HERC6: variants seen among roughly 807,000 people sequenced by gnomAD.
HERC6 encodes the protein HECT and RLD domain containing E3 ubiquitin protein ligase family member 6, also known as probable E3 ubiquitin-protein ligase HERC6.
HERC6 carries 101 observed loss-of-function variants against 114.5 expected under a neutral mutation model. The observed-to-expected ratio is 0.88, with a 90% CI of 0.75 to 1.04. HERC6 has a LOEUF of 1.04. Among genes scored for constraint, HERC6 ranks in the 50% least tolerant of loss-of-function variants. The probability of loss-of-function intolerance (pLI) is 0.00; values close to 1 mark genes in which losing one functional copy is unlikely to be tolerated. For missense variants in HERC6, 1,133 were observed against 1,230.9 expected (o/e 0.92, Z 1.19); for synonymous variants, 408 against 436.2 (o/e 0.94, Z 0.81).
rs746952857 is a variant in HERC6, at chr4:88,414,916, C to T, written c.1558+1650C>T. 4.8e-4 allele frequency among the ~76,000 whole-genome samples: 73 copies of T among 152,232 alleles called. 1 individual carries two copies. The Middle Eastern group carries it at 0.014, about 28-fold the overall frequency. ...CAGTAGGTCTCAGCCTTATTTTACC[C>T]AGCTCCTATTCAAGATGGAGTTGCT... On this transcript the variant is annotated intron_variant, in intron 12 of 22. Coordinates refer to ENST00000264346, the MANE Select transcript of HERC6 (RefSeq NM_017912.4).
rs774832983 is a variant in HERC6 at position 88,383,377 on chromosome 4, CTAAG to C, written c.359+3_359+6del. On this transcript the variant is annotated splice_donor_variant and coding_sequence_variant, in exon 2 of 23. Transcript: ENST00000264346. LOFTEE classifies it high-confidence loss of function. The stretch of plus-strand genomic sequence containing the variant: ...GAATTCAAGGAAATAAGTTTCACAC[CTAAG>C]TAAGTGTTTCAACCCACTCCTTCAT... The C allele has an allele frequency of 3.4e-6, 5 of 1,490,276 alleles. No individual in the cohort carries two copies. Among genetic ancestry groups the C allele is most frequent in the Non-Finnish European group, 3.6e-6 (4 of 1,121,518 alleles). The allele number at this position is 1,490,276 out of a possible 1,614,324, so 92.3% of individuals were successfully genotyped here. A position where few individuals can be genotyped will look rare whatever the true frequency, so the allele number is the denominator to read the frequency against.
intron 11 of HERC6, among the ~76,000 whole-genome samples, chr4:88,410,039 C>T (rs1736008968): frequency 6.6e-6 from 1 of 152,162 alleles, no homozygotes. Context: ...TTTTCAGTGT[C>T]CTCACATGGC....
intron 15 of HERC6, among the ~76,000 whole-genome samples, chr4:88,425,804 A>G (rs1308495927): frequency 1.3e-5 from 2 of 151,528 alleles, no homozygotes; most frequent in East Asian, 3.9e-4. Flanking sequence ...CTTTTTTTTT[A>G]TTGCTGAGGC....
chr4:88,393,507 CT>C lies in HERC6; in HGVS notation c.685del (p.Ser229GlnfsTer5). ...NVPVQSNKPLSVGALKNLGVV... is the reference protein window; with the variant it reads ...NVPVQSNKPLXVGALKNLGVV... The stretch of plus-strand genomic sequence containing the variant: ...CAACAGTGCAAAGCAACAAGCCTCT[CT>C]CAGTCGGTGCACTGAAGAATCTAGG... On this transcript the variant is annotated frameshift_variant, in exon 5 of 23. Transcript: ENST00000264346. LOFTEE classifies it high-confidence loss of function. 6.2e-7 allele frequency: 1 copy of C among 1,610,986 alleles called. No homozygotes were observed. Among genetic ancestry groups the C allele is most frequent in the Non-Finnish European group, 8.5e-7 (1 of 1,177,842 alleles).
intron 1 of HERC6, among the ~76,000 whole-genome samples, chr4:88,382,749 T>C (rs1371029498): frequency 6.6e-6 from 1 of 152,214 alleles, no homozygotes; most frequent in East Asian, 1.9e-4. Context: ...GGGGAACCTT[T>C]GATAACGTGT....
intron 11 of HERC6, among the ~76,000 whole-genome samples, chr4:88,412,479 A>C (rs1736167484): frequency 6.6e-6 from 1 of 151,974 alleles, no homozygotes; most frequent in African/African-American, 2.4e-5. Context: ...GTGGCAGTGC[A>C]CTCCACTTAG....
At chr4:88,429,197 G>C (rs987326675) in intron 16 of HERC6, among the ~76,000 whole-genome samples, 1 of 152,124 alleles carries the variant, frequency 6.6e-6, no homozygotes, top group Non-Finnish European at 1.5e-5. Flanking sequence ...TCTCCTCCTG[G>C]GGCGAGCAAG....
Position 88,423,942 on chromosome 4 carries a change from G to A in HERC6, c.1796G>A (p.Arg599Lys). The A allele has an allele frequency of 6.5e-7, 1 of 1,542,412 alleles. No individual in the cohort carries two copies. ...LSNLLNFYID[R>K]GRQLFRDNHL... The stretch of plus-strand genomic sequence containing the variant: ...AACTTATTAAACTTTTATATAGATA[G>A]AGGAAGACAGCTCTTTCGGGATAAC... Residue 599 changes from arginine (R) to lysine (K), a missense_variant, in exon 14 of 23, where the codon AGA becomes AAA. Arg to Lys is a conservative substitution (Grantham distance 26). Transcript: ENST00000264346.
intron 12 of HERC6, among the ~76,000 whole-genome samples, chr4:88,415,939 G>A (rs1736433290): frequency 6.6e-6 from 1 of 152,214 alleles, no homozygotes; most frequent in South Asian, 2.1e-4. Context: ...GGCCTAAAGT[G>A]TGGTGATCAC....
In HERC6 at chr4:88,390,833, A is replaced by G; in HGVS notation, c.618A>G (p.Gly206=). The change falls in exon 4 of 23, where the codon GGA becomes GGG. Residue 206 remains glycine, a synonymous_variant. Transcript: ENST00000264346. ...TCTGTGGGACTTCGTTTGGCTGGGG[A>G]AGTAACAGTGCCGGGCAGCTGGCCC... ...LSLCGTSFGW[G]SNSAGQLALS... 6.2e-7 allele frequency: 1 copy of G among 1,614,076 alleles called. No homozygotes were observed. The highest frequency in any genetic ancestry group is 2.2e-5 in the East Asian group (1 of 44,874).
chr4:88,429,944 G>T (rs1738016463), intron 16 of HERC6, among the ~76,000 whole-genome samples: 2 of 152,206 alleles, frequency 1.3e-5, no homozygotes. Context: ...GGGCAAGGTT[G>T]TCAGGGCCCA....
rs201759777 is a variant in HERC6 at position 88,428,624 on chromosome 4, G to C, written c.1980G>C (p.Leu660=). ...ACATGCTTATGCATGAAACAATTCT[G>C]CAAAAAAAGGATGAATTTCCTCCAT... ...KAYMLMHETI[L]QKKDEFPPSP... Residue 660 remains leucine, a synonymous_variant, in exon 16 of 23, where the codon CTG becomes CTC. Coordinates refer to ENST00000264346, the MANE Select transcript of HERC6 (RefSeq NM_017912.4). 1.2e-6 allele frequency: 2 copies of C among 1,607,810 alleles called. No individual in the cohort carries two copies. Among genetic ancestry groups the C allele is most frequent in the African/African-American group, 2.7e-5 (2 of 74,840 alleles).
intron 1 of HERC6, among the ~76,000 whole-genome samples, chr4:88,382,133 T>A (rs997687804): frequency 3.3e-5 from 5 of 152,144 alleles, no homozygotes; most frequent in African/African-American, 1.2e-4. Context: ...TAACCTTGCA[T>A]AAATTGACAG....
intron 13 of HERC6, 51 bp downstream of exon 13, chr4:88,417,630 C>A (rs1736616840): frequency 1.3e-6 from 2 of 1,490,602 alleles, no homozygotes; most frequent in Admixed American, 2.1e-5. Context: ...AATCAAAATC[C>A]CTTAAGTCTC....
chr4:88,412,136 G>A (rs929082983), intron 11 of HERC6, among the ~76,000 whole-genome samples: 7 of 151,988 alleles, frequency 4.6e-5, no homozygotes, highest in African/African-American at 1.4e-4. Context: ...TAAAAACAAG[G>A]TAAAACACAA....
chr4:88,400,193 T>TTTTG (rs1384922633), intron 8 of HERC6, among the ~76,000 whole-genome samples: 3 of 152,050 alleles, frequency 2.0e-5, no homozygotes, highest in South Asian at 2.1e-4. Flanking sequence ...TCTCTTTTGT[T>TTTTG]TTTGTTTGTT....
At chr4:88,424,358 T>C (rs553782795) in intron 14 of HERC6, among the ~76,000 whole-genome samples, 36 of 152,174 alleles carry the variant, frequency 2.4e-4, no homozygotes, top group African/African-American at 8.4e-4. Context: ...CACGTATCTG[T>C]ACTCCCAGCT....
Position 88,436,941 on chromosome 4 carries a change from C to T in HERC6, c.2454C>T (p.Asp818=). 6.2e-7 allele frequency: 1 copy of T among 1,607,780 alleles called. No homozygotes were observed. Among genetic ancestry groups the T allele is most frequent in the South Asian group, 1.1e-5 (1 of 89,610 alleles). Residue 818 remains aspartate (D), a synonymous_variant, in exon 19 of 23, where the codon GAC becomes GAT. Coordinates refer to ENST00000264346, the MANE Select transcript of HERC6 (RefSeq NM_017912.4). ...AAGTTCTAGATGATGCTGCTGATGA[C>T]ATTGGAGATGCGCTCTGCATACGCT... The part of the protein sequence containing the change: ...LQEVLDDAAD[D]IGDALCIRFS...
chr4:88,425,604 G>A (rs1737523807), intron 15 of HERC6, among the ~76,000 whole-genome samples: 1 of 152,144 alleles, frequency 6.6e-6, no homozygotes, highest in Non-Finnish European at 1.5e-5. Context: ...CTTAAATAAT[G>A]TCTATGAGTC....
Sources: gnomAD v4.1 joint callset for allele counts (sites outside exome capture counted in the v4.1 genomes callset) on GRCh38, gnomAD v4.1.1 for gene constraint, MANE v1.5 for transcripts, NCBI Gene and HGNC (gene_info 2026-07-23, HGNC 2026-07-21) for gene names.